Variants in SIPA1L3 observed in about 807,000 individuals in gnomAD.
SIPA1L3 encodes signal induced proliferation associated 1 like 3.
SIPA1L3 carries 59 observed loss-of-function variants against 150.1 expected under a neutral mutation model. That is an observed-to-expected ratio of 0.39 (90% CI 0.32 to 0.49). The LOEUF is 0.49. Ranked by LOEUF, SIPA1L3 falls within the 20% of genes least tolerant of loss-of-function variation. SIPA1L3 has a pLI of 0.86. For missense variants in SIPA1L3, 2,211 were observed against 2,489.5 expected (o/e 0.89, Z 2.38); for synonymous variants, 1,070 against 1,077.6 (o/e 0.99, Z 0.14).
chr19:38,053,456 A>G (rs1295221432), intron 2 of SIPA1L3, among the ~76,000 whole-genome samples: 1 of 152,232 alleles, frequency 6.6e-6, no homozygotes, highest in Admixed American at 6.5e-5. Context: ...TAATAGTGGT[A>G]GTAATAGCCA....
intron 2 of SIPA1L3, among the ~76,000 whole-genome samples, chr19:38,079,218 A>G (rs1348821857): frequency 6.6e-6 from 1 of 152,180 alleles, no homozygotes; most frequent in Non-Finnish European, 1.5e-5. Flanking sequence ...CTGTAGTCCC[A>G]GCTACTCAGG....
intron 2 of SIPA1L3, among the ~76,000 whole-genome samples, chr19:38,068,730 A>G (rs1165827865): frequency 6.6e-6 from 1 of 152,164 alleles, no homozygotes; most frequent in Non-Finnish European, 1.5e-5. Flanking sequence ...GGTGGCACAC[A>G]GCTGTAGTCC....
chr19:38,037,005 G>A (rs762734888), intron 2 of SIPA1L3, among the ~76,000 whole-genome samples: 1 of 152,198 alleles, frequency 6.6e-6, no homozygotes, highest in African/African-American at 2.4e-5. Context: ...CTAGAAATAC[G>A]ATACTCAGTG....
At chr19:37,960,089 G>C (rs2046843900) in intron 1 of SIPA1L3, among the ~76,000 whole-genome samples, 1 of 151,994 alleles carries the variant, frequency 6.6e-6, no homozygotes, top group African/African-American at 2.4e-5. Context: ...TTTTATATTT[G>C]CCCATGTATT....
In SIPA1L3 at chr19:38,207,981, G is replaced by A. The variant is rs1469481922; in HGVS notation, c.*1741G>A. ...CATCTTCTCCCCCATCCCCTTCTCTGGGGGGCCCACCCGTCCCCCACCCCC... is the reference window on the plus strand; with the variant it reads ...CATCTTCTCCCCCATCCCCTTCTCTAGGGGGCCCACCCGTCCCCCACCCCC... On this transcript the variant is annotated 3_prime_UTR_variant, in exon 22 of 22. Coordinates refer to ENST00000222345, the MANE Select transcript of SIPA1L3 (RefSeq NM_015073.3). The A allele has an allele frequency of 6.7e-6, 1 of 149,748 alleles. No homozygotes were observed. Among genetic ancestry groups the A allele is most frequent in the African/African-American group, 2.5e-5 (1 of 40,458 alleles). 9.3% of individuals were successfully genotyped at this position (149,748 alleles called of 1,614,324 possible). A position where few individuals can be genotyped will look rare whatever the true frequency, so the allele number is the denominator to read the frequency against.
intron 1 of SIPA1L3, among the ~76,000 whole-genome samples, chr19:37,971,481 T>C (rs1461322996): frequency 1.3e-5 from 2 of 152,170 alleles, no homozygotes; most frequent in Admixed American, 6.6e-5. Flanking sequence ...TGTATTTGCC[T>C]GTTCTGGACA....
At chr19:38,191,722 G>C (rs776973825) in intron 16 of SIPA1L3, among the ~76,000 whole-genome samples, 69 of 99,266 alleles carry the variant, frequency 7.0e-4, no homozygotes, top group Non-Finnish European at 1.0e-3. Flanking sequence ...TGAGGCAGGA[G>C]AGTAGCTTGA....
rs1042718477 is a variant in SIPA1L3, at chr19:38,164,148, C to G, written c.3781-331C>G. Among the ~76,000 whole-genome samples the G allele has an allele frequency of 6.6e-6, 1 of 152,120 alleles. No individual in the cohort carries two copies. Among genetic ancestry groups the G allele is most frequent in the African/African-American group, 2.4e-5 (1 of 41,422 alleles). On this transcript the variant is annotated intron_variant, in intron 14 of 21. Transcript: ENST00000222345. The surrounding 1 kb of genome is among the most constrained non-coding windows in gnomAD (Gnocchi z 4.1). The stretch of plus-strand genomic sequence containing the variant: ...TGGCAGGGGCAGCTGAAAGCATGGC[C>G]GGCGTCATTGAGATGAGGAAGACGC...
rs1334631528 is a variant in SIPA1L3, at chr19:38,198,456, T to C, written c.4908T>C (p.Pro1636=). The part of the protein sequence containing the change: ...GRDRPLRRLD[P]GLMPLPDTAA... ...ACCGCCCCCTGCGGCGCCTGGACCC[T>C]GGGCTGATGCCCCTGCCTGACACAG... Residue 1636 remains proline, a synonymous_variant, in exon 19 of 22, where the codon CCT becomes CCC. Transcript: ENST00000222345. 2 of 1,605,492 alleles carry C rather than the reference T, an allele frequency of 1.2e-6. No individual in the cohort carries two copies. The highest frequency in any genetic ancestry group is 1.7e-6 in the Non-Finnish European group (2 of 1,176,814).
chr19:38,065,194 G>A (rs1296108824), intron 2 of SIPA1L3, among the ~76,000 whole-genome samples: 1 of 152,188 alleles, frequency 6.6e-6, no homozygotes, highest in Non-Finnish European at 1.5e-5. Context: ...AAGGTGGGGT[G>A]CACTGTCCTT....
In SIPA1L3 at chr19:37,907,373, G is replaced by C. The variant is rs1045044767; in HGVS notation, c.-379+15G>C. The C allele has an allele frequency of 7.9e-5, 12 of 152,344 alleles. No homozygotes were observed. The highest frequency in any genetic ancestry group is 7.9e-4 in the Admixed American group (12 of 15,286). 9.4% of individuals were successfully genotyped at this position (152,344 alleles called of 1,614,324 possible). A position where few individuals can be genotyped will look rare whatever the true frequency, so the allele number is the denominator to read the frequency against. On this transcript the variant is annotated intron_variant, in intron 1 of 21. Transcript: ENST00000222345. Reference sequence around the variant, plus strand: ...GGGGCGTCCAGGTACGTGGCTCCGGGTGCAGGATCGGCCTCGCGCAAGGGT... The same window carrying C: ...GGGGCGTCCAGGTACGTGGCTCCGGCTGCAGGATCGGCCTCGCGCAAGGGT...
chr19:38,084,398 A>G (rs1600038947), intron 3 of SIPA1L3, among the ~76,000 whole-genome samples: 1 of 152,074 alleles, frequency 6.6e-6, no homozygotes, highest in Non-Finnish European at 1.5e-5. Context: ...AAAAAATTGC[A>G]GCCTCCGGCA....
Position 38,082,307 on chromosome 19 carries a change from C to T in SIPA1L3, c.742C>T (p.Pro248Ser). Residue 248 changes from proline (P) to serine (S), a missense_variant, in exon 3 of 22, where the codon CCA becomes TCA. Physicochemically the swap from Pro to Ser is moderately conservative, Grantham distance 74. Around this residue, in one of 5 missense-constraint regions of SIPA1L3, gnomAD observed 587 missense variants for 534.5 expected, o/e 1.10. Coordinates refer to ENST00000222345, the MANE Select transcript of SIPA1L3 (RefSeq NM_015073.3). ...CGAGCTCCTCCGGGCAGATCCTGGCCCACACCTCATGGGGGGCGGCGGCGG... is the reference window on the plus strand; with the variant it reads ...CGAGCTCCTCCGGGCAGATCCTGGCTCACACCTCATGGGGGGCGGCGGCGG... Reference protein sequence around the residue: ...LTELLRADPGPHLMGGGGGAK... With the variant: ...LTELLRADPGSHLMGGGGGAK... The T allele has an allele frequency of 6.3e-7, 1 of 1,599,446 alleles. No homozygotes were observed. Among genetic ancestry groups the T allele is most frequent in the Non-Finnish European group, 8.5e-7 (1 of 1,179,198 alleles).
At chr19:38,059,506 GT>G (rs2145777156) in intron 2 of SIPA1L3, among the ~76,000 whole-genome samples, 1 of 152,118 alleles carries the variant, frequency 6.6e-6, no homozygotes, top group South Asian at 2.1e-4. Flanking sequence ...GTTTCACCAT[GT>G]TAGCTGAGAT....
intron 2 of SIPA1L3, among the ~76,000 whole-genome samples, chr19:38,060,072 AC>A (rs1270560289): frequency 6.6e-6 from 1 of 152,090 alleles, no homozygotes; most frequent in Non-Finnish European, 1.5e-5. Flanking sequence ...ACCGCACGTG[AC>A]CAGAACCCTC....
chr19:38,180,138 A>G (rs779713753), intron 15 of SIPA1L3, among the ~76,000 whole-genome samples: 2 of 152,060 alleles, frequency 1.3e-5, no homozygotes, highest in African/African-American at 2.4e-5. Flanking sequence ...ATTATTTTGT[A>G]TCAGGCAGGT....
chr19:37,936,137 C>T (rs2046598287), intron 1 of SIPA1L3, among the ~76,000 whole-genome samples: 1 of 152,140 alleles, frequency 6.6e-6, no homozygotes, highest in Admixed American at 6.5e-5. Context: ...AAGCCAAAGC[C>T]TTCCCTGAAA....
Position 38,082,353 on chromosome 19 carries a change from A to G in SIPA1L3, c.788A>G (p.Asn263Ser), listed in dbSNP as rs200841448. ...GGCGGAGCCAAGGGGGACTCCCACA[A>G]CGGGCAGCCCGCCAAGGACAGCCTC... ...GGGGAKGDSH[N>S]GQPAKDSLLP... Residue 263 changes from asparagine to serine, a missense_variant, in exon 3 of 22, where the codon AAC (asparagine) becomes AGC (serine). Physicochemically the swap from Asn to Ser is conservative, Grantham distance 46 (BLOSUM62 1). Coordinates refer to ENST00000222345, the MANE Select transcript of SIPA1L3 (RefSeq NM_015073.3). The G allele has an allele frequency of 3.2e-4, 510 of 1,597,888 alleles. 2 individuals are homozygous for G. In the African/African-American group the frequency reaches 5.6e-3, roughly 18 times the overall value.
chr19:37,984,092 G>A (rs1967277086), intron 1 of SIPA1L3, among the ~76,000 whole-genome samples: 1 of 152,140 alleles, frequency 6.6e-6, no homozygotes, highest in Admixed American at 6.5e-5. Flanking sequence ...TGAGAACAAT[G>A]AGGCACTTTT....
Sources: allele counts gnomAD v4.1 joint callset (sites outside exome capture counted in the v4.1 genomes callset), GRCh38; gene constraint gnomAD v4.1.1; regional missense constraint gnomAD v4.1.1; non-coding constraint Gnocchi (gnomAD v3.1); transcripts MANE v1.5; gene names NCBI Gene and HGNC (gene_info 2026-07-23, HGNC 2026-07-21).